STAM: variants seen among roughly 807,000 people sequenced by gnomAD.
STAM encodes the protein signal transducing adaptor molecule.
In STAM, 16 loss-of-function variants were observed where a neutral mutation model predicts 63.4. The ratio of observed to expected loss-of-function variants is 0.25; its 90% confidence interval spans 0.17 to 0.38. The LOEUF (loss-of-function observed/expected upper bound fraction) is 0.38, where lower values mean the gene tolerates loss of function less well. Among genes scored for constraint, STAM ranks in the 10% least tolerant of loss-of-function variants. The pLI is 1.00. For missense variants in STAM, 636 were observed against 657.1 expected, an observed-to-expected ratio of 0.97 and a Z score of 0.35; for synonymous variants, 238 against 223.9, an observed-to-expected ratio of 1.06 and a Z score of -0.56.
chr10:17,711,039 T>A (rs1836530186), intron 13 of STAM, among the ~76,000 whole-genome samples: 1 of 152,184 alleles, frequency 6.6e-6, no homozygotes, highest in Non-Finnish European at 1.5e-5. Context: ...GGTTAGAAAT[T>A]TCCTTACTAG....
At chr10:17,704,933 G>A (rs782743052) in intron 10 of STAM, 37 bp from the exon 11 acceptor site, 1 of 1,534,830 alleles carries the variant, frequency 6.5e-7, no homozygotes. Context: ...TTTTTTTCTT[G>A]TACTTTCTTA....
At chr10:17,653,289 TA>T (rs1833811509) in intron 1 of STAM, among the ~76,000 whole-genome samples, 1 of 152,232 alleles carries the variant, frequency 6.6e-6, no homozygotes, top group East Asian at 1.9e-4. Context: ...TATTCCGCGA[TA>T]AAAACTGGAA....
intron 4 of STAM, 109 bp downstream of exon 4, chr10:17,685,036 C>T: frequency 2.4e-6 from 2 of 826,886 alleles, no homozygotes; most frequent in Non-Finnish European, 3.7e-6. Context: ...GAAATCCTTT[C>T]TAGGCTGTGT....
At chr10:17,696,957 T>G in intron 8 of STAM, 88 bp downstream of exon 8, 1 of 1,074,094 alleles carries the variant, frequency 9.3e-7, no homozygotes, top group Non-Finnish European at 1.4e-6. Flanking sequence ...TAGAGCAGTG[T>G]TGCCCAGGCT....
At chr10:17,649,257 A>G (rs1242463281) in intron 1 of STAM, among the ~76,000 whole-genome samples, 2 of 152,126 alleles carry the variant, frequency 1.3e-5, no homozygotes, top group Non-Finnish European at 2.9e-5. Flanking sequence ...TAAAAAAGTT[A>G]GCTGGCATGG....
chr10:17,684,095 T>C (rs1356887283), intron 2 of STAM, among the ~76,000 whole-genome samples: 5 of 152,310 alleles, frequency 3.3e-5, no homozygotes, highest in African/African-American at 9.6e-5. Flanking sequence ...TGGATCTCTT[T>C]AGCATATCGC....
intron 1 of STAM, among the ~76,000 whole-genome samples, chr10:17,649,225 G>A (rs778515327): frequency 1.9e-4 from 29 of 152,076 alleles, no homozygotes; most frequent in Non-Finnish European, 4.0e-4. Context: ...GCAACATAAT[G>A]AGACCCTGTC....
rs1295724273 is a variant in STAM, at chr10:17,644,268, C to T, written c.-72C>T. The T allele has an allele frequency of 6.4e-7, 1 of 1,552,560 alleles. No individual in the cohort carries two copies. The highest frequency in any genetic ancestry group is 1.4e-5 in the African/African-American group (1 of 73,712). ...TGCTCTTTTTGCCTGAGGAGTCTTC[C>T]ATCCTACGTCGAGCTCTGACTCCCG... On this transcript the variant is annotated 5_prime_UTR_variant, in exon 1 of 14. Transcript: ENST00000377524.
At position 17,684,596 on chromosome 10, in the gene STAM, T is replaced by C. The variant is rs544463416; in HGVS notation, c.126-79T>C. 5.3e-5 allele frequency: 57 copies of C among 1,079,006 alleles called. 1 individual carries two copies. In the South Asian group the frequency reaches 7.8e-4, roughly 15 times the overall value. 66.8% of individuals were successfully genotyped at this position (1,079,006 alleles called of 1,614,324 possible). A position where few individuals can be genotyped will look rare whatever the true frequency, so the allele number is the denominator to read the frequency against. ...ATCATAGTCTCCCTTTTTATCGTAG[T>C]CTTTTGTCTATAACAGTTAAGGGGC... is the stretch of plus-strand genomic sequence containing the variant. On this transcript the variant is annotated intron_variant, in intron 2 of 13. Transcript: ENST00000377524.
intron 13 of STAM, among the ~76,000 whole-genome samples, chr10:17,713,827 C>T (rs1298236595): frequency 6.6e-6 from 1 of 152,034 alleles, no homozygotes; most frequent in Non-Finnish European, 1.5e-5. Context: ...CTGCTCAGAA[C>T]GAGCCAGTGT....
At chr10:17,695,392 T>C (rs551883038) in intron 7 of STAM, 151 bp downstream of exon 7, 1 of 643,280 alleles carries the variant, frequency 1.6e-6, no homozygotes, top group African/African-American at 1.9e-5. Context: ...GCTTGTGTTA[T>C]ACTGGGTGGA....
chr10:17,702,758 C>G (rs753645884), intron 9 of STAM, among the ~76,000 whole-genome samples: 3 of 151,996 alleles, frequency 2.0e-5, no homozygotes, highest in Non-Finnish European at 2.9e-5. Context: ...GCCTGTAATC[C>G]CAGCACTTCG....
chr10:17,713,324 G>C (rs541680488), intron 13 of STAM, among the ~76,000 whole-genome samples: 1 of 152,242 alleles, frequency 6.6e-6, no homozygotes, highest in East Asian at 1.9e-4. Context: ...TGGATCTGCC[G>C]AGGATTCCCA....
chr10:17,679,592 A>T (rs1216101995), intron 2 of STAM, among the ~76,000 whole-genome samples: 4 of 150,084 alleles, frequency 2.7e-5, no homozygotes, highest in Admixed American at 1.3e-4. Context: ...TTTTTTTTTT[A>T]AATGAAGTGT....
intron 8 of STAM, 61 bp downstream of exon 8, chr10:17,696,930 G>T: frequency 7.1e-7 from 1 of 1,415,922 alleles, no homozygotes; most frequent in South Asian, 1.2e-5. Context: ...AATGGAAGTT[G>T]AGTAAACTGA....
chr10:17,695,000 T>A, intron 6 of STAM, 49 bp from the exon 7 acceptor site: 8 of 1,557,682 alleles, frequency 5.1e-6, no homozygotes, highest in Non-Finnish European at 7.0e-6. Context: ...TTCTTCAGAC[T>A]GTTGGATATA....
Position 17,708,855 on chromosome 10 carries a change from T to C in STAM, c.1289T>C (p.Leu430Pro). 1 of 1,614,188 alleles carries C rather than the reference T, an allele frequency of 6.2e-7. No individual in the cohort carries two copies. The highest frequency in any genetic ancestry group is 1.1e-5 in the South Asian group (1 of 91,086). The stretch of plus-strand genomic sequence containing the variant: ...ATGAGCCACCTCCAGAGCTACAGTC[T>C]TCCCCCGGAGCAGCTGTCTTCTCTC... Reference protein sequence around the residue: ...AQMSHLQSYSLPPEQLSSLSQ... With the variant: ...AQMSHLQSYSPPPEQLSSLSQ... Residue 430 changes from leucine to proline, a missense_variant, in exon 13 of 14, where the codon CTT becomes CCT. Physicochemically the swap from Leu to Pro is moderately conservative, Grantham distance 98. This residue lies in a region of STAM where 532 missense variants were observed against 536.9 expected (regional missense o/e 0.99). Transcript: ENST00000377524.
At chr10:17,708,997 T>C in intron 13 of STAM, 46 bp downstream of exon 13, 1 of 1,577,342 alleles carries the variant, frequency 6.3e-7, no homozygotes, top group African/African-American at 1.4e-5. Flanking sequence ...CTGTTACAGC[T>C]GTTTAAGTGC....
At chr10:17,711,873 G>C (rs555976207) in intron 13 of STAM, among the ~76,000 whole-genome samples, 1 of 152,350 alleles carries the variant, frequency 6.6e-6, no homozygotes, top group South Asian at 2.1e-4. Context: ...TGGATTCATA[G>C]GGGCAAGATT....
Sources: gnomAD v4.1 joint callset for allele counts (sites outside exome capture counted in the v4.1 genomes callset) on GRCh38, gnomAD v4.1.1 for gene constraint, gnomAD v4.1.1 regional missense constraint, MANE v1.5 for transcripts, NCBI Gene and HGNC (gene_info 2026-07-23, HGNC 2026-07-21) for gene names.